ZNF184: variants seen among roughly 807,000 people sequenced by gnomAD.
ZNF184 encodes the protein zinc finger protein 184.
Under a neutral mutation model 54.4 loss-of-function variants are expected in ZNF184, and 16 were observed. The ratio of observed to expected loss-of-function variants is 0.29; its 90% CI spans 0.20 to 0.45. The LOEUF (loss-of-function observed/expected upper bound fraction) is 0.45, where lower values mean the gene tolerates loss of function less well. Ranked by LOEUF, ZNF184 falls within the 20% of genes least tolerant of loss-of-function variation. The pLI is 1.00. For missense variants in ZNF184, 681 were observed against 888.2 expected (o/e 0.77, Z 2.97); for synonymous variants, 254 against 295.3 (o/e 0.86, Z 1.43).
chr6:27,466,015 C>T (rs1763126480), intron 3 of ZNF184, among the ~76,000 whole-genome samples: 1 of 152,072 alleles, frequency 6.6e-6, no homozygotes, highest in Non-Finnish European at 1.5e-5. Flanking sequence ...AGATTAAGGG[C>T]CTTGAGTGGG....
At chr6:27,435,657 T>C in the ZNF184 span, among the ~76,000 whole-genome samples, 72 of 152,356 alleles carry the variant, frequency 4.7e-4, no homozygotes, top group African/African-American at 1.7e-3. Flanking sequence ...TTACTCTGGC[T>C]AGAACTTCCA....
chr6:27,462,073 T>C (rs1288125474), intron 3 of ZNF184, among the ~76,000 whole-genome samples: 2 of 152,238 alleles, frequency 1.3e-5, no homozygotes, highest in African/African-American at 4.8e-5. Flanking sequence ...TCAATGGTCC[T>C]GCCTCTATGG....
the ZNF184 span, among the ~76,000 whole-genome samples, chr6:27,439,815 A>G: frequency 6.6e-6 from 1 of 152,034 alleles, no homozygotes; most frequent in Non-Finnish European, 1.5e-5. Context: ...GGTTCAGTAT[A>G]ATCCACAGTT....
At chr6:27,441,876 G>A in the ZNF184 span, among the ~76,000 whole-genome samples, 10 of 152,194 alleles carry the variant, frequency 6.6e-5, no homozygotes, top group African/African-American at 2.4e-4. Flanking sequence ...AATACTTAGT[G>A]AACACAAACA....
At chr6:27,432,899 G>T in the ZNF184 span, among the ~76,000 whole-genome samples, 1 of 152,168 alleles carries the variant, frequency 6.6e-6, no homozygotes, top group East Asian at 1.9e-4. The surrounding 1 kb of genome is among the most constrained non-coding windows in gnomAD (Gnocchi z 4.0). Flanking sequence ...TCTCTCTCAG[G>T]ATGCTCACCT....
the ZNF184 span, among the ~76,000 whole-genome samples, chr6:27,409,721 T>C: frequency 2.6e-5 from 4 of 152,088 alleles, no homozygotes; most frequent in Non-Finnish European, 5.9e-5. Context: ...AGATTAATTA[T>C]TGAAGAAAAA....
chr6:27,421,084 G>A, the ZNF184 span, among the ~76,000 whole-genome samples: 1 of 152,212 alleles, frequency 6.6e-6, no homozygotes, highest in Admixed American at 6.5e-5. Context: ...AGGAGTTAAT[G>A]AGGAGGGAGG....
intron 3 of ZNF184, among the ~76,000 whole-genome samples, chr6:27,466,280 C>A (rs572296662): frequency 6.6e-6 from 1 of 152,174 alleles, no homozygotes; most frequent in Non-Finnish European, 1.5e-5. Flanking sequence ...TCCCCTAGAA[C>A]CTTCAGAAGA....
At chr6:27,427,873 A>G in the ZNF184 span, among the ~76,000 whole-genome samples, 2 of 152,208 alleles carry the variant, frequency 1.3e-5, no homozygotes, top group African/African-American at 2.4e-5. Flanking sequence ...GATGATAAAC[A>G]TCCTAAAAAG....
At chr6:27,449,556 C>T (rs1333386186), downstream of ZNF184, among the ~76,000 whole-genome samples, 2 of 152,134 alleles carry the variant, frequency 1.3e-5, no homozygotes, top group African/African-American at 4.8e-5. Context: ...AGTTGGAGAC[C>T]AGCCTGGGCA....
chr6:27,456,236 C>T (rs779777363), intron 5 of ZNF184, among the ~76,000 whole-genome samples: 1 of 147,156 alleles, frequency 6.8e-6, no homozygotes, highest in Non-Finnish European at 1.5e-5. Context: ...ACAGCCTGGG[C>T]AACAGAATGA....
chr6:27,442,699 AAC>A, the ZNF184 span, among the ~76,000 whole-genome samples: 1 of 130,746 alleles, frequency 7.6e-6, no homozygotes, highest in African/African-American at 2.9e-5. Flanking sequence ...GAGAGAGAGA[AAC>A]AGAGAGAGAG....
At chr6:27,418,385 G>C in the ZNF184 span, among the ~76,000 whole-genome samples, 18 of 152,336 alleles carry the variant, frequency 1.2e-4, no homozygotes, top group East Asian at 1.5e-3. Context: ...TTGGCTCCAT[G>C]ATGACCATCT....
At chr6:27,436,446 G>A in the ZNF184 span, among the ~76,000 whole-genome samples, 3 of 152,228 alleles carry the variant, frequency 2.0e-5, no homozygotes, top group Non-Finnish European at 2.9e-5. Flanking sequence ...TTACAGGCAT[G>A]AGCCACTGTG....
chr6:27,437,952 A>G, the ZNF184 span, among the ~76,000 whole-genome samples: 1 of 152,200 alleles, frequency 6.6e-6, no homozygotes, highest in African/African-American at 2.4e-5. Flanking sequence ...CACTTACACA[A>G]CATCATCTTC....
the ZNF184 span, chr6:27,405,760 A>G: frequency 6.6e-6 from 1 of 152,286 alleles, no homozygotes; most frequent in African/African-American, 2.4e-5. Flanking sequence ...CGCTCTTATG[A>G]ACCTGAAGGG....
At chr6:27,408,558 C>T in the ZNF184 span, among the ~76,000 whole-genome samples, 1 of 152,178 alleles carries the variant, frequency 6.6e-6, no homozygotes, top group African/African-American at 2.4e-5. Flanking sequence ...ATATTGAGTT[C>T]AGCCTAGCCA....
At position 27,463,195 on chromosome 6, in the gene ZNF184, C is replaced by T. The variant is rs1581584380; in HGVS notation, c.75+4658G>A. On this transcript the variant is annotated intron_variant, in intron 3 of 5. Transcript: ENST00000683788. ...ATGCTAAATGACGAGTTAATGGGTG[C>T]AGCACACCAACATGGCACATGTATA... Among the ~76,000 whole-genome samples, 3 of 148,618 alleles carry T rather than the reference C, an allele frequency of 2.0e-5. No homozygotes were observed. In the East Asian group the frequency reaches 5.9e-4, roughly 29 times the overall value.
downstream of ZNF184, among the ~76,000 whole-genome samples, chr6:27,450,062 A>G (rs1440392202): frequency 6.6e-6 from 1 of 152,232 alleles, no homozygotes; most frequent in Non-Finnish European, 1.5e-5. Context: ...TGGAATAGCT[A>G]GTAGAGATGT....
Sources: allele counts gnomAD v4.1 joint callset (sites outside exome capture counted in the v4.1 genomes callset), GRCh38; gene constraint gnomAD v4.1.1; non-coding constraint Gnocchi (gnomAD v3.1); transcripts MANE v1.5; gene names NCBI Gene and HGNC (gene_info 2026-07-23, HGNC 2026-07-21).